Variants in HNF4A observed in about 807,000 individuals in gnomAD.
HNF4A encodes the protein hepatocyte nuclear factor 4-alpha.
A neutral mutation model predicts 52.4 loss-of-function variants in HNF4A; 15 were observed. The ratio of observed to expected loss-of-function variants is 0.29; its 90% confidence interval spans 0.19 to 0.44. HNF4A has a LOEUF of 0.44. Ranked by LOEUF, HNF4A falls within the 20% of genes least tolerant of loss-of-function variation. The pLI is 1.00. For synonymous variants in HNF4A, 280 were observed against 264.4 expected, an observed-to-expected ratio of 1.06 and a Z score of -0.57; for missense variants, 479 against 647.2, an observed-to-expected ratio of 0.74 and a Z score of 2.82.
intron 7 of HNF4A, among the ~76,000 whole-genome samples, chr20:44,423,052 C>G (rs1204152764): frequency 4.6e-5 from 7 of 152,190 alleles, no homozygotes; most frequent in South Asian, 2.1e-4. Flanking sequence ...TGCAGTGGCT[C>G]ACGCCTGTAA....
chr20:44,381,146 T>C (rs934376767), intron 1 of HNF4A, among the ~76,000 whole-genome samples: 2 of 152,188 alleles, frequency 1.3e-5, no homozygotes, highest in African/African-American at 4.8e-5. Flanking sequence ...CACTACTTAA[T>C]AAAGCAGCTT....
Position 44,429,725 on chromosome 20 carries a change from G to C in HNF4A, c.*60G>C. 1 of 1,548,518 alleles carries C rather than the reference G, an allele frequency of 6.5e-7. No homozygotes were observed. Among genetic ancestry groups the C allele is most frequent in the Non-Finnish European group, 8.9e-7 (1 of 1,121,862 alleles). ...CCCCAGCCCCCTAAGAGAGCACCTGGTGATCACGTGGTCACGGCAAAGGAA... is the reference window on the plus strand; with the variant it reads ...CCCCAGCCCCCTAAGAGAGCACCTGCTGATCACGTGGTCACGGCAAAGGAA... On this transcript the variant is annotated 3_prime_UTR_variant, in exon 10 of 10. Coordinates refer to ENST00000316099, the MANE Select transcript of HNF4A (RefSeq NM_000457.6).
intron 3 of HNF4A, among the ~76,000 whole-genome samples, chr20:44,410,080 G>A (rs142773928): frequency 0.13 from 20,134 of 152,240 alleles, 1,619 homozygotes; most frequent in Non-Finnish European, 0.17. Context: ...CAGGTGATCC[G>A]CCTCGGCCTC....
chr20:44,383,913 C>T (rs2063187205), intron 1 of HNF4A, among the ~76,000 whole-genome samples: 1 of 151,626 alleles, frequency 6.6e-6, no homozygotes, highest in South Asian at 2.1e-4. Context: ...TGCAATGGAG[C>T]GATCTCGGCT....
At chr20:44,401,953 A>G (rs2063416349) in intron 1 of HNF4A, among the ~76,000 whole-genome samples, 1 of 152,072 alleles carries the variant, frequency 6.6e-6, no homozygotes, top group South Asian at 2.1e-4. Context: ...TGTCTTTGGG[A>G]CTTTCCTAGG....
intron 3 of HNF4A, among the ~76,000 whole-genome samples, chr20:44,408,616 A>G (rs1174959961): frequency 2.0e-5 from 3 of 152,054 alleles, no homozygotes; most frequent in African/African-American, 4.8e-5. Context: ...AGTCCTAGCT[A>G]CTCGGAAGGC....
At position 44,413,768 on chromosome 20, in the gene HNF4A, G is replaced by T; in HGVS notation, c.460G>T (p.Ala154Ser). ...GGACAGCAGCCTGCCCTCCATCAATGCGCTCCTGCAGGCGGAGGTCCTGTC... is the reference window on the plus strand; with the variant it reads ...GGACAGCAGCCTGCCCTCCATCAATTCGCTCCTGCAGGCGGAGGTCCTGTC... Residue 154 changes from alanine to serine, a missense_variant, in exon 4 of 10, where the codon GCG becomes TCG. Around this residue, in one of 3 missense-constraint regions of HNF4A, gnomAD observed 389 missense variants for 525.1 expected, o/e 0.74. Transcript: ENST00000316099. 6.2e-7 allele frequency: 1 copy of T among 1,613,710 alleles called. No individual in the cohort carries two copies.
chr20:44,385,756 A>G (rs1448681226), intron 1 of HNF4A, among the ~76,000 whole-genome samples: 1 of 152,110 alleles, frequency 6.6e-6, no homozygotes, highest in Admixed American at 6.5e-5. Context: ...GGCATGAGCC[A>G]CCATGCCCCA....
intron 8 of HNF4A, among the ~76,000 whole-genome samples, chr20:44,426,938 A>G (rs1341080527): frequency 6.6e-6 from 1 of 152,214 alleles, no homozygotes; most frequent in Non-Finnish European, 1.5e-5. Flanking sequence ...AGGTGAAGTC[A>G]AAGTGGGGAT....
chr20:44,362,284 G>C (rs1398838515), intron 1 of HNF4A, among the ~76,000 whole-genome samples: 1 of 149,834 alleles, frequency 6.7e-6, no homozygotes, highest in African/African-American at 2.5e-5. Flanking sequence ...GCTGGACGTG[G>C]TGCCAGGCGC....
At chr20:44,397,106 C>A (rs755854602), upstream of HNF4A, among the ~76,000 whole-genome samples, 1 of 152,190 alleles carries the variant, frequency 6.6e-6, no homozygotes, top group Admixed American at 6.5e-5. Context: ...GAGACCAATA[C>A]CCACAGGCTA....
chr20:44,395,962 G>A (rs2063349327), intron 1 of HNF4A, among the ~76,000 whole-genome samples: 1 of 152,136 alleles, frequency 6.6e-6, no homozygotes, highest in Admixed American at 6.5e-5. Context: ...GGATGCCCCT[G>A]CCCCTGCCTA....
chr20:44,365,461 C>G lies in HNF4A; in HGVS notation c.49+9608C>G, dbSNP rs1035667255. On this transcript the variant is annotated intron_variant, in intron 1 of 9. Coordinates refer to the HNF4A transcript ENST00000316673. ...CCGGGATTACAGGTGTGAGCTACTGCACCTGGCCTTTACAATTTTTTACAT... is the reference window on the plus strand; with the variant it reads ...CCGGGATTACAGGTGTGAGCTACTGGACCTGGCCTTTACAATTTTTTACAT... Among the ~76,000 whole-genome samples the G allele has an allele frequency of 1.4e-4, 21 of 150,844 alleles. 1 individual carries two copies. The highest frequency in any genetic ancestry group is 2.1e-4 in the Non-Finnish European group (14 of 67,408).
intron 1 of HNF4A, among the ~76,000 whole-genome samples, chr20:44,394,454 C>CAT (rs1486788324): frequency 1.3e-5 from 2 of 152,152 alleles, no homozygotes; most frequent in African/African-American, 4.8e-5. Flanking sequence ...CCTGTGGATG[C>CAT]ATACCCTTGG....
At chr20:44,356,664 A>G (rs775453544) in intron 1 of HNF4A, among the ~76,000 whole-genome samples, 11 of 152,222 alleles carry the variant, frequency 7.2e-5, no homozygotes, top group Non-Finnish European at 1.5e-4. Context: ...ATAGATGTAT[A>G]TATGTACACA....
At chr20:44,421,000 G>A (rs1390317290) in intron 7 of HNF4A, among the ~76,000 whole-genome samples, 2 of 152,126 alleles carry the variant, frequency 1.3e-5, no homozygotes. Context: ...ATTTGTTGAT[G>A]CATCCATTTT....
At chr20:44,356,710 G>T (rs191820184) in intron 1 of HNF4A, among the ~76,000 whole-genome samples, 248 of 152,282 alleles carry the variant, frequency 1.6e-3, no homozygotes, top group Non-Finnish European at 1.6e-3. Flanking sequence ...TAGAAAATTC[G>T]TGGAATGACA....
intron 1 of HNF4A, among the ~76,000 whole-genome samples, chr20:44,376,136 G>A (rs2146224725): frequency 6.6e-6 from 1 of 152,218 alleles, no homozygotes; most frequent in East Asian, 1.9e-4. Flanking sequence ...ATGGTGGCAT[G>A]CACCTGTAAT....
chr20:44,421,425 C>T (rs571610351), intron 7 of HNF4A, among the ~76,000 whole-genome samples: 8 of 152,216 alleles, frequency 5.3e-5, no homozygotes, highest in Non-Finnish European at 1.2e-4. Context: ...CAGGCACTGT[C>T]CTTCACGCTG....
Sources: allele counts gnomAD v4.1 joint callset (sites outside exome capture counted in the v4.1 genomes callset), GRCh38; gene constraint gnomAD v4.1.1; regional missense constraint gnomAD v4.1.1; transcripts MANE v1.5; gene names NCBI Gene and HGNC (gene_info 2026-07-23, HGNC 2026-07-21).